The following DRC11 variants were observed in gnomAD, a reference collection of about 807,000 sequenced individuals.
The protein encoded by DRC11 is IQ and AAA domain-containing protein 1.
At chr2:236,496,187 T>C in the DRC11 span, among the ~76,000 whole-genome samples, 2 of 152,222 alleles carry the variant, frequency 1.3e-5, no homozygotes, top group East Asian at 1.9e-4. The surrounding 1 kb of genome is among the most constrained non-coding windows in gnomAD (Gnocchi z 6.3). Flanking sequence ...CATGCTCTTA[T>C]AGATGAATGC....
the DRC11 span, among the ~76,000 whole-genome samples, chr2:236,326,489 T>A: frequency 1.3e-5 from 2 of 152,218 alleles, no homozygotes; most frequent in East Asian, 3.8e-4. Flanking sequence ...TTAGAGTTCA[T>A]ACCTCTTTCA....
At chr2:236,358,079 A>C in the DRC11 span, among the ~76,000 whole-genome samples, 1 of 120,610 alleles carries the variant, frequency 8.3e-6, no homozygotes, top group Non-Finnish European at 1.6e-5. Context: ...TATATTTATA[A>C]TATATAGATA....
At chr2:236,356,501 G>C in the DRC11 span, among the ~76,000 whole-genome samples, 2 of 152,228 alleles carry the variant, frequency 1.3e-5, no homozygotes, top group African/African-American at 4.8e-5. Context: ...GGGGGGCCAC[G>C]CGACGGTCTT....
At chr2:236,379,862 A>T in the DRC11 span, among the ~76,000 whole-genome samples, 3 of 144,268 alleles carry the variant, frequency 2.1e-5, no homozygotes, top group African/African-American at 7.8e-5. Flanking sequence ...AGGGGAGGGA[A>T]CCCCCAAACA....
At chr2:236,491,604 T>C in the DRC11 span, among the ~76,000 whole-genome samples, 1 of 152,124 alleles carries the variant, frequency 6.6e-6, no homozygotes, top group African/African-American at 2.4e-5. Context: ...TCTTTAGTAA[T>C]TCTGCAGTGC....
chr2:236,391,852 T>C, the DRC11 span: 1 of 748,136 alleles, frequency 1.3e-6, no homozygotes, highest in South Asian at 1.6e-5. The surrounding 1 kb of genome is among the most constrained non-coding windows in gnomAD (Gnocchi z 4.5). Flanking sequence ...AAGGCAGGCA[T>C]GTTTCCCCGT....
At chr2:236,394,249 T>A in the DRC11 span, among the ~76,000 whole-genome samples, 1 of 152,142 alleles carries the variant, frequency 6.6e-6, no homozygotes, top group Non-Finnish European at 1.5e-5. This position sits in a 1 kb window ranked among gnomAD's most constrained non-coding sequence, Gnocchi z 7.0. Context: ...CTGGGGCCAG[T>A]GCCTGCGTCT....
the DRC11 span, among the ~76,000 whole-genome samples, chr2:236,364,387 C>T: frequency 6.1e-5 from 9 of 148,154 alleles, no homozygotes; most frequent in African/African-American, 2.0e-4. Flanking sequence ...GAGACATAGA[C>T]GATAAGGTTG....
the DRC11 span, chr2:236,441,233 A>C: frequency 2.6e-6 from 2 of 780,748 alleles, no homozygotes; most frequent in South Asian, 1.6e-5. Context: ...TTAAGGGTGG[A>C]GGGTTCCCTG....
chr2:236,364,409 A>C, the DRC11 span, among the ~76,000 whole-genome samples: 2 of 149,076 alleles, frequency 1.3e-5, no homozygotes, highest in African/African-American at 5.0e-5. Flanking sequence ...CTAAGTGTTT[A>C]TTTCCTTGCA....
At chr2:236,362,091 C>T in the DRC11 span, among the ~76,000 whole-genome samples, 1 of 152,128 alleles carries the variant, frequency 6.6e-6, no homozygotes, top group Admixed American at 6.5e-5. The surrounding 1 kb of genome is among the most constrained non-coding windows in gnomAD (Gnocchi z 5.7). Flanking sequence ...TATCTCATAA[C>T]AGTGCTTCAA....
At chr2:236,493,420 G>T in the DRC11 span, among the ~76,000 whole-genome samples, 1 of 152,174 alleles carries the variant, frequency 6.6e-6, no homozygotes, top group Admixed American at 6.5e-5. Flanking sequence ...AGTAAGTTAT[G>T]TCAGCACTTA....
chr2:236,491,229 A>ACACAG, the DRC11 span, among the ~76,000 whole-genome samples: 5 of 67,146 alleles, frequency 7.4e-5, no homozygotes, highest in South Asian at 3.5e-4. Flanking sequence ...GTATATATAT[A>ACACAG]TATATATATA....
At chr2:236,401,381 G>T in the DRC11 span, among the ~76,000 whole-genome samples, 64,629 of 151,510 alleles carry the variant, frequency 0.43, 14,165 homozygotes, top group African/African-American at 0.47. This position sits in a 1 kb window ranked among gnomAD's most constrained non-coding sequence, Gnocchi z 4.6. Context: ...CTGCCCTTTT[G>T]ACAGGATTGT....
At chr2:236,458,054 C>T in the DRC11 span, among the ~76,000 whole-genome samples, 1 of 152,022 alleles carries the variant, frequency 6.6e-6, no homozygotes, top group Non-Finnish European at 1.5e-5. Context: ...TTGTTGAATA[C>T]ACATCTAACA....
chr2:236,336,706 C>T, the DRC11 span, among the ~76,000 whole-genome samples: 11 of 152,186 alleles, frequency 7.2e-5, no homozygotes, highest in African/African-American at 2.7e-4. The surrounding 1 kb of genome is among the most constrained non-coding windows in gnomAD (Gnocchi z 7.3). Context: ...TGTCACCTCC[C>T]GCCAATCCCC....
the DRC11 span, among the ~76,000 whole-genome samples, chr2:236,375,347 C>G: frequency 2.0e-5 from 3 of 152,146 alleles, no homozygotes; most frequent in Non-Finnish European, 4.4e-5. The surrounding 1 kb of genome is among the most constrained non-coding windows in gnomAD (Gnocchi z 4.2). Context: ...TGAGAATCTA[C>G]CACGTGCCAG....
chr2:236,380,347 AT>A, the DRC11 span, among the ~76,000 whole-genome samples: 1 of 152,238 alleles, frequency 6.6e-6, no homozygotes, highest in African/African-American at 2.4e-5. This position sits in a 1 kb window ranked among gnomAD's most constrained non-coding sequence, Gnocchi z 4.9. Context: ...ACTTAAAAAA[AT>A]GTTATGACGT....
chr2:236,391,047 C>T, the DRC11 span: 1 of 152,114 alleles, frequency 6.6e-6, no homozygotes, highest in Non-Finnish European at 1.5e-5. This position sits in a 1 kb window ranked among gnomAD's most constrained non-coding sequence, Gnocchi z 4.5. Flanking sequence ...TTCTGTGCTC[C>T]ACCCAGGTGC....
Sources: gnomAD v4.1 joint callset for allele counts (sites outside exome capture counted in the v4.1 genomes callset) on GRCh38, gnomAD v4.1.1 for gene constraint, Gnocchi (gnomAD v3.1) non-coding constraint, MANE v1.5 for transcripts, NCBI Gene and HGNC (gene_info 2026-07-23, HGNC 2026-07-21) for gene names.